The following ZNF624 variants were observed in gnomAD, a reference collection of about 807,000 sequenced individuals.
The protein encoded by ZNF624 is zinc finger protein 624.
Under a neutral mutation model 74.7 loss-of-function variants are expected in ZNF624, and 43 were observed. The ratio of observed to expected loss-of-function variants is 0.58; its 90% CI spans 0.45 to 0.74. The LOEUF is 0.74. Among genes scored for constraint, ZNF624 ranks in the 30% least tolerant of loss-of-function variants. The probability of loss-of-function intolerance (pLI) is 0.00; values close to 1 mark genes in which losing one functional copy is unlikely to be tolerated. For synonymous variants in ZNF624, 331 were observed against 341.3 expected (o/e 0.97, Z 0.33); for missense variants, 820 against 1,030.0 (o/e 0.80, Z 2.79).
At chr17:16,632,976 C>A (rs1360195391) in intron 5 of ZNF624, among the ~76,000 whole-genome samples, 1 of 152,176 alleles carries the variant, frequency 6.6e-6, no homozygotes, top group East Asian at 1.9e-4. Flanking sequence ...GTTCCCTTAG[C>A]CTGGAATACT....
chr17:16,629,236 C>CTTTTTT (rs543784903), intron 5 of ZNF624, among the ~76,000 whole-genome samples: 32 of 127,432 alleles, frequency 2.5e-4, no homozygotes, highest in African/African-American at 8.8e-4. Flanking sequence ...GTCTCTCTCT[C>CTTTTTT]TTTTTTTTTT....
chr17:16,619,445 T>TA (rs1313462490), downstream of ZNF624, among the ~76,000 whole-genome samples: 8 of 152,138 alleles, frequency 5.3e-5, no homozygotes, highest in African/African-American at 1.9e-4. Flanking sequence ...TACAAACATC[T>TA]AAAAAAACCC....
At chr17:16,618,198 AG>A (rs1415863021), downstream of ZNF624, among the ~76,000 whole-genome samples, 2 of 152,032 alleles carry the variant, frequency 1.3e-5, no homozygotes, top group Non-Finnish European at 2.9e-5. Context: ...ACAAAAAATT[AG>A]CCGGGTGTGG....
At chr17:16,649,796 A>C in intron 1 of ZNF624, 50 bp from the exon 2 acceptor site, 2 of 1,472,094 alleles carry the variant, frequency 1.4e-6, no homozygotes, top group Non-Finnish European at 1.9e-6. Context: ...GGGGAATTTC[A>C]GACTCACCAA....
downstream of ZNF624, chr17:16,616,738 G>A (rs1267194904): frequency 7.7e-6 from 5 of 651,420 alleles, no homozygotes; most frequent in Admixed American, 7.1e-5. Context: ...GTGTGCCCCT[G>A]TTTTCAAGAG....
chr17:16,644,342 T>C (rs751008962), intron 3 of ZNF624, among the ~76,000 whole-genome samples: 3 of 152,226 alleles, frequency 2.0e-5, no homozygotes, highest in African/African-American at 7.2e-5. Flanking sequence ...ATTCAGAAAC[T>C]GAACTTTGTC....
intron 3 of ZNF624, among the ~76,000 whole-genome samples, chr17:16,643,810 T>G (rs1372968342): frequency 6.6e-6 from 1 of 152,186 alleles, no homozygotes; most frequent in Non-Finnish European, 1.5e-5. Flanking sequence ...AAAAATTGAT[T>G]GTAGAATGTA....
At chr17:16,638,917 A>G (rs1909402944) in intron 3 of ZNF624, among the ~76,000 whole-genome samples, 1 of 152,210 alleles carries the variant, frequency 6.6e-6, no homozygotes, top group African/African-American at 2.4e-5. Context: ...TACTCTCCCC[A>G]CTTCTGTGAG....
Position 16,622,944 on chromosome 17 carries a change from A to T in ZNF624, c.1942T>A (p.Ser648Thr). 6.2e-7 allele frequency: 1 copy of T among 1,613,914 alleles called. No individual in the cohort carries two copies. Among genetic ancestry groups the T allele is most frequent in the Non-Finnish European group, 8.5e-7 (1 of 1,179,932 alleles). ...ATAAGGTATGATTTAGTCCTAAAGGACTTTCCACAGTCATAACATTTATAG... is the reference window on the plus strand; with the variant it reads ...ATAAGGTATGATTTAGTCCTAAAGGTCTTTCCACAGTCATAACATTTATAG... Reference protein sequence around the residue: ...KPYKCYDCGKSFRTKSYLIVH... With the variant: ...KPYKCYDCGKTFRTKSYLIVH... The change falls in exon 6 of 6, where the codon TCC becomes ACC. Residue 648 changes from serine to threonine, a missense_variant. Coordinates refer to ENST00000311331, the MANE Select transcript of ZNF624 (RefSeq NM_020787.4).
In ZNF624 at chr17:16,621,401, TAA is replaced by T. The variant is rs1015456612; in HGVS notation, c.*885_*886del. On this transcript the variant is annotated 3_prime_UTR_variant, in exon 6 of 6. Coordinates refer to ENST00000311331, the MANE Select transcript of ZNF624 (RefSeq NM_020787.4). ...TATGCATTGATGCTGCTTTTATTTC[TAA>T]CGGACAGATTCCAAAAGTGAGACTG... The T allele has an allele frequency of 4.6e-5, 7 of 152,252 alleles. No homozygotes were observed. Among genetic ancestry groups the T allele is most frequent in the African/African-American group, 1.7e-4 (7 of 41,472 alleles). 9.4% of individuals were successfully genotyped at this position (152,252 alleles called of 1,614,324 possible). A position where few individuals can be genotyped will look rare whatever the true frequency, so the allele number is the denominator to read the frequency against.
In ZNF624 at chr17:16,623,526, T is replaced by C; in HGVS notation, c.1360A>G (p.Lys454Glu). ...YQCNECGKSF[K>E]NTTIFNVHQR... ...TGCACATTAAAAATTGTGGTATTCT[T>C]AAAAGACTTCCCACACTCGTTGCAC... Residue 454 changes from lysine to glutamate, a missense_variant, in exon 6 of 6, where the codon AAG (lysine) becomes GAG (glutamate). Transcript: ENST00000311331. The surrounding 1 kb of genome is among the most constrained non-coding windows in gnomAD (Gnocchi z 5.3). 6.2e-7 allele frequency: 1 copy of C among 1,610,092 alleles called. No homozygotes were observed. The highest frequency in any genetic ancestry group is 8.5e-7 in the Non-Finnish European group (1 of 1,178,656).
intron 5 of ZNF624, among the ~76,000 whole-genome samples, chr17:16,628,437 T>C (rs1396433644): frequency 1.3e-5 from 2 of 152,056 alleles, no homozygotes; most frequent in Non-Finnish European, 2.9e-5. Context: ...AGATTAACAA[T>C]CTCACAAAGA....
At position 16,621,332 on chromosome 17, in the gene ZNF624, C is replaced by A. The variant is rs2142561287; in HGVS notation, c.*956G>T. Reference sequence around the variant, plus strand: ...TTTGTTTGCAGTTGGGGCTTTGCCCCCCTCTACAAACAGTACTTCAACAAA... The same window carrying A: ...TTTGTTTGCAGTTGGGGCTTTGCCCACCTCTACAAACAGTACTTCAACAAA... On this transcript the variant is annotated 3_prime_UTR_variant, in exon 6 of 6. Coordinates refer to ENST00000311331, the MANE Select transcript of ZNF624 (RefSeq NM_020787.4). 1 of 152,320 alleles carries A rather than the reference C, an allele frequency of 6.6e-6. No individual in the cohort carries two copies. Among genetic ancestry groups the A allele is most frequent in the Non-Finnish European group, 1.5e-5 (1 of 68,026 alleles). 9.4% of individuals were successfully genotyped at this position (152,320 alleles called of 1,614,324 possible).
At chr17:16,636,574 T>C (rs990687125) in intron 3 of ZNF624, among the ~76,000 whole-genome samples, 1 of 152,160 alleles carries the variant, frequency 6.6e-6, no homozygotes, top group Non-Finnish European at 1.5e-5. Flanking sequence ...CCGTGGCTCA[T>C]GCCTGTAATC....
At chr17:16,640,308 AT>A (rs1909437166) in intron 3 of ZNF624, among the ~76,000 whole-genome samples, 1 of 152,170 alleles carries the variant, frequency 6.6e-6, no homozygotes, top group African/African-American at 2.4e-5. Context: ...AATGCCTACA[AT>A]TTAAAAAGAA....
intron 5 of ZNF624, among the ~76,000 whole-genome samples, chr17:16,630,500 T>A (rs1909180677): frequency 6.6e-6 from 1 of 152,096 alleles, no homozygotes; most frequent in Non-Finnish European, 1.5e-5. Context: ...GAGTTTGCAG[T>A]GAGCCGAGAT....
intron 3 of ZNF624, among the ~76,000 whole-genome samples, chr17:16,640,317 G>T (rs1335888143): frequency 1.3e-5 from 2 of 151,968 alleles, no homozygotes; most frequent in African/African-American, 2.4e-5. Context: ...AATTTAAAAA[G>T]AAGAAATCAG....
At chr17:16,619,442 A>G (rs1475595099), downstream of ZNF624, among the ~76,000 whole-genome samples, 2 of 152,180 alleles carry the variant, frequency 1.3e-5, no homozygotes, top group South Asian at 2.1e-4. Context: ...TAATACAAAC[A>G]TCTAAAAAAA....
downstream of ZNF624, among the ~76,000 whole-genome samples, chr17:16,619,694 T>G (rs1345818778): frequency 6.6e-6 from 1 of 152,254 alleles, no homozygotes; most frequent in Non-Finnish European, 1.5e-5. Flanking sequence ...ACTGCTCTAG[T>G]CAGGTTGGTG....
Sources: gnomAD v4.1 joint callset for allele counts (sites outside exome capture counted in the v4.1 genomes callset) on GRCh38, gnomAD v4.1.1 for gene constraint, Gnocchi (gnomAD v3.1) non-coding constraint, MANE v1.5 for transcripts, NCBI Gene and HGNC (gene_info 2026-07-23, HGNC 2026-07-21) for gene names.